Variants in IGF1R observed in about 807,000 individuals in gnomAD.
IGF1R encodes insulin-like growth factor 1 receptor.
In IGF1R, 44 loss-of-function variants were observed where a neutral mutation model predicts 144.6. The ratio of observed to expected loss-of-function variants is 0.30; its 90% CI spans 0.24 to 0.39. IGF1R has a LOEUF of 0.39. Among genes scored for constraint, IGF1R ranks in the 10% least tolerant of loss-of-function variants. The pLI, the probability that IGF1R is intolerant of heterozygous loss-of-function variation, is 1.00. For synonymous variants in IGF1R, 795 were observed against 722.8 expected (o/e 1.10, Z -1.60); for missense variants, 1,355 against 1,833.7 (o/e 0.74, Z 4.77).
At chr15:98,695,733 C>A (rs2053580334) in intron 1 of IGF1R, among the ~76,000 whole-genome samples, 1 of 152,168 alleles carries the variant, frequency 6.6e-6, no homozygotes, top group Non-Finnish European at 1.5e-5. Flanking sequence ...ACTGTCTGTT[C>A]TTATATGGAA....
At position 98,957,063 on chromosome 15, in the gene IGF1R, T is replaced by A; in HGVS notation, c.3725T>A (p.Phe1242Tyr). ...DKPDNCPDML[F>Y]ELMRMCWQYN... ...CCTCCCGTGTGTCTTGGCTGCAGGT[T>A]TGAACTGATGCGCATGTGCTGGCAG... Residue 1242 changes from phenylalanine (F) to tyrosine (Y), a missense_variant and splice_region_variant, in exon 21 of 21, where the codon TTT becomes TAT. Coordinates refer to ENST00000650285, the MANE Select transcript of IGF1R (RefSeq NM_000875.5). 9 of 1,614,164 alleles carry A rather than the reference T, an allele frequency of 5.6e-6. No homozygotes were observed. The highest frequency in any genetic ancestry group is 7.6e-6 in the Non-Finnish European group (9 of 1,180,034).
Position 98,891,267 on chromosome 15 carries a change from A to T in IGF1R, c.641-58A>T. 1 of 1,541,406 alleles carries T rather than the reference A, an allele frequency of 6.5e-7. No homozygotes were observed. Among genetic ancestry groups the T allele is most frequent in the Non-Finnish European group, 8.8e-7 (1 of 1,132,024 alleles). ...ACCCAGAAGGATGCTGGCCAGGCCCAGAGAAGGCGGTGCCTCCCCTGCCCG... is the reference window on the plus strand; with the variant it reads ...ACCCAGAAGGATGCTGGCCAGGCCCTGAGAAGGCGGTGCCTCCCCTGCCCG... On this transcript the variant is annotated intron_variant, in intron 2 of 20. Coordinates refer to ENST00000650285, the MANE Select transcript of IGF1R (RefSeq NM_000875.5). This position sits in a 1 kb window ranked among gnomAD's most constrained non-coding sequence, Gnocchi z 4.7.
intron 2 of IGF1R, among the ~76,000 whole-genome samples, chr15:98,843,754 A>C (rs931950351): frequency 3.9e-5 from 6 of 152,198 alleles, no homozygotes; most frequent in Non-Finnish European, 5.9e-5. Context: ...TGCTTTCTTC[A>C]GAGTGGGATT....
At chr15:98,885,888 C>T (rs148782493) in intron 2 of IGF1R, among the ~76,000 whole-genome samples, 67 of 148,998 alleles carry the variant, frequency 4.5e-4, no homozygotes, top group African/African-American at 1.5e-3. Flanking sequence ...GCAATCTTGG[C>T]TCACTGCAAC....
At chr15:98,651,075 CGT>C in intron 1 of IGF1R, 1 of 984,982 alleles carries the variant, frequency 1.0e-6, no homozygotes, top group Non-Finnish European at 1.2e-6. Flanking sequence ...ACGGTGAGGG[CGT>C]GTTGGTGAGT....
chr15:98,822,001 T>C (rs1009334867), intron 2 of IGF1R, among the ~76,000 whole-genome samples: 10 of 152,258 alleles, frequency 6.6e-5, no homozygotes, highest in African/African-American at 1.9e-4. Flanking sequence ...TGTAGGTATG[T>C]TGTCAATATG....
At chr15:98,804,557 G>A (rs1253756219) in intron 2 of IGF1R, among the ~76,000 whole-genome samples, 2 of 152,130 alleles carry the variant, frequency 1.3e-5, no homozygotes, top group Non-Finnish European at 1.5e-5. Context: ...GTGAAACGGG[G>A]CTATGGGAGG....
chr15:98,724,756 A>G (rs1297737651), intron 2 of IGF1R, among the ~76,000 whole-genome samples: 1 of 152,114 alleles, frequency 6.6e-6, no homozygotes. Context: ...TGTACACAGA[A>G]AGAAGACAGA....
intron 14 of IGF1R, among the ~76,000 whole-genome samples, 191 bp from the exon 15 acceptor site, chr15:98,930,044 A>C (rs2015878240): frequency 6.6e-6 from 1 of 152,236 alleles, no homozygotes; most frequent in Non-Finnish European, 1.5e-5. Context: ...ATGTGTTAGC[A>C]AATGTCTGCT....
intron 1 of IGF1R, among the ~76,000 whole-genome samples, chr15:98,668,787 C>T (rs1248569632): frequency 7.9e-6 from 1 of 125,842 alleles, no homozygotes; most frequent in African/African-American, 2.6e-5. Context: ...CTATTAAAAG[C>T]AGCTCCTCGT....
In IGF1R at chr15:98,960,200, C is replaced by T; in HGVS notation, c.*2758C>T. 8.6e-6 allele frequency: 2 copies of T among 233,736 alleles called. No homozygotes were observed. Among genetic ancestry groups the T allele is most frequent in the Non-Finnish European group, 1.7e-5 (2 of 118,082 alleles). The allele number at this position is 233,736 out of a possible 1,614,324, so 14.5% of individuals were successfully genotyped here. ...ACACCCAGGTGATGCAGGGGGAAGC[C>T]AGGCTGTATTCCGGGGTCAAAGCAA... On this transcript the variant is annotated 3_prime_UTR_variant, in exon 21 of 21. Coordinates refer to ENST00000650285, the MANE Select transcript of IGF1R (RefSeq NM_000875.5).
intron 2 of IGF1R, among the ~76,000 whole-genome samples, chr15:98,841,299 G>T (rs2011170402): frequency 6.6e-6 from 1 of 152,160 alleles, no homozygotes; most frequent in Non-Finnish European, 1.5e-5. Flanking sequence ...TCCTTGGCCT[G>T]CCATTTACTG....
At chr15:98,883,359 T>C (rs1298281421) in intron 2 of IGF1R, among the ~76,000 whole-genome samples, 2 of 152,220 alleles carry the variant, frequency 1.3e-5, no homozygotes, top group African/African-American at 2.4e-5. Context: ...AATCCTCTTG[T>C]CTTCATTTTG....
At chr15:98,718,129 G>A (rs562173290) in intron 2 of IGF1R, among the ~76,000 whole-genome samples, 1 of 152,316 alleles carries the variant, frequency 6.6e-6, no homozygotes, top group African/African-American at 2.4e-5. Context: ...GGATCAGGTG[G>A]GTGGGAAAAT....
chr15:98,925,182 C>T (rs892513534), intron 13 of IGF1R, among the ~76,000 whole-genome samples: 1 of 152,096 alleles, frequency 6.6e-6, no homozygotes, highest in Non-Finnish European at 1.5e-5. Flanking sequence ...GCATCGCAGA[C>T]CCTCCACTGT....
chr15:98,912,866 C>T (rs1282981645), intron 7 of IGF1R, among the ~76,000 whole-genome samples, 178 bp from the exon 8 acceptor site: 5 of 152,246 alleles, frequency 3.3e-5, no homozygotes, highest in African/African-American at 4.8e-5. Context: ...CTGTAATGCC[C>T]GACTGGGGAA....
At chr15:98,893,246 C>T (rs1478076539) in intron 3 of IGF1R, among the ~76,000 whole-genome samples, 1 of 152,136 alleles carries the variant, frequency 6.6e-6, no homozygotes, top group Admixed American at 6.5e-5. Flanking sequence ...GGAGACGCAG[C>T]TTCTACTGTA....
chr15:98,907,831 G>C (rs890342923), intron 5 of IGF1R, among the ~76,000 whole-genome samples: 4 of 152,218 alleles, frequency 2.6e-5, no homozygotes, highest in Non-Finnish European at 5.9e-5. Flanking sequence ...GTGGGCTTTG[G>C]TCCTCCACCA....
At chr15:98,757,658 G>A (rs570277882) in intron 2 of IGF1R, among the ~76,000 whole-genome samples, 2 of 152,148 alleles carry the variant, frequency 1.3e-5, no homozygotes, top group Admixed American at 6.5e-5. Context: ...ACTATTGCCA[G>A]CTTTGCTTTC....
Sources: gnomAD v4.1 joint callset for allele counts (sites outside exome capture counted in the v4.1 genomes callset) on GRCh38, gnomAD v4.1.1 for gene constraint, Gnocchi (gnomAD v3.1) non-coding constraint, MANE v1.5 for transcripts, NCBI Gene and HGNC (gene_info 2026-07-23, HGNC 2026-07-21) for gene names.